The following PLEKHG4 variants were observed in gnomAD, a reference collection of about 807,000 sequenced individuals.
The protein encoded by PLEKHG4 is puratrophin-1.
PLEKHG4 carries 85 observed loss-of-function variants against 136.9 expected under a neutral mutation model. The observed-to-expected ratio is 0.62, with a 90% CI of 0.52 to 0.74. The LOEUF (loss-of-function observed/expected upper bound fraction) is 0.74, where lower values mean the gene tolerates loss of function less well. Among genes scored for constraint, PLEKHG4 ranks in the 30% least tolerant of loss-of-function variants. PLEKHG4 has a pLI of 0.00. For synonymous variants in PLEKHG4, 577 were observed against 646.9 expected (o/e 0.89, Z 1.64); for missense variants, 1,317 against 1,527.8 (o/e 0.86, Z 2.30).
In PLEKHG4 at chr16:67,279,894, G is replaced by C. The variant is rs756402762; in HGVS notation, c.-151G>C. ...TTCCCAGGCCTGAATTGCAGTTCCT[G>C]TGCCCTGGCACTAAGACTGGCACCT... On this transcript the variant is annotated 5_prime_UTR_variant, in exon 2 of 22. Transcript: ENST00000379344. The C allele has an allele frequency of 3.6e-5, 26 of 714,590 alleles. No individual in the cohort carries two copies. The highest frequency in any genetic ancestry group is 5.5e-5 in the Non-Finnish European group (24 of 432,660). 44.3% of individuals were successfully genotyped at this position (714,590 alleles called of 1,614,324 possible). A position where few individuals can be genotyped will look rare whatever the true frequency, so the allele number is the denominator to read the frequency against.
Position 67,286,267 on chromosome 16 carries a change from C to G in PLEKHG4, c.2443-7C>G, listed in dbSNP as rs766571414. The G allele has an allele frequency of 2.5e-6, 4 of 1,608,000 alleles. No homozygotes were observed. Among genetic ancestry groups the G allele is most frequent in the Non-Finnish European group, 3.4e-6 (4 of 1,174,548 alleles). On this transcript the variant is annotated splice_polypyrimidine_tract_variant and splice_region_variant and intron_variant, in intron 14 of 21. Transcript: ENST00000379344. ...TTGCACTGGGGCTGAGCCACATGTC[C>G]TTGTAGAGGGTGCAGTTTGGGATGT...
rs747887333 is a variant in PLEKHG4 at position 67,282,308 on chromosome 16, G to T, written c.1212G>T (p.Leu404=). 4 of 1,613,100 alleles carry T rather than the reference G, an allele frequency of 2.5e-6. No homozygotes were observed. In the East Asian group the frequency reaches 8.9e-5, roughly 36 times the overall value. ...QCQGGRELTW[L]KQEVPEVTLS... ...AGGGGGGCCGGGAGCTGACATGGCT[G>T]AAGCAAGAGGTCCCAGAGGTGACCC... The change falls in exon 9 of 22, where the codon CTG becomes CTT. Residue 404 remains leucine (L), a synonymous_variant. Transcript: ENST00000379344.
Position 67,281,759 on chromosome 16 carries a change from C to T in PLEKHG4, c.927C>T (p.His309=), listed in dbSNP as rs1355567967. The T allele has an allele frequency of 1.2e-6, 2 of 1,614,138 alleles. No individual in the cohort carries two copies. The highest frequency in any genetic ancestry group is 1.7e-6 in the Non-Finnish European group (2 of 1,180,034). Residue 309 remains histidine (H), a synonymous_variant, in exon 7 of 22, where the codon CAC becomes CAT. Transcript: ENST00000379344. ...EQLPSQSLLT[H]IPTAGLPTSL... Reference sequence around the variant, plus strand: ...TGCCTTCTCAGAGCCTGCTGACCCACATCCCAACGGCGGGGCTGCCCACTT... The same window carrying T: ...TGCCTTCTCAGAGCCTGCTGACCCATATCCCAACGGCGGGGCTGCCCACTT...
In PLEKHG4 at chr16:67,286,816, A is replaced by G; in HGVS notation, c.2822A>G (p.Lys941Arg). The change falls in exon 17 of 22, where the codon AAG becomes AGG. Residue 941 changes from lysine to arginine, a missense_variant. Lys to Arg is a conservative substitution (Grantham distance 26, BLOSUM62 2). Coordinates refer to ENST00000379344, the MANE Select transcript of PLEKHG4 (RefSeq NM_001129729.3). ...DEFVVRTGRH[K>R]SVRRIFLFEE... Reference sequence around the variant, plus strand: ...TTTGTGGTGCGCACTGGGCGCCACAAGTCCGTGCGCCGCATCTTCCTTTTT... The same window carrying G: ...TTTGTGGTGCGCACTGGGCGCCACAGGTCCGTGCGCCGCATCTTCCTTTTT... 1 of 1,613,956 alleles carries G rather than the reference A, an allele frequency of 6.2e-7. No individual in the cohort carries two copies.
chr16:67,288,613 C>T lies in PLEKHG4; in HGVS notation c.3570+9C>T. Reference sequence around the variant, plus strand: ...TGGAGGACTTACCCTGTGTGAGTGCCATTTGCCCTATACCCACCAGCCCTT... The same window carrying T: ...TGGAGGACTTACCCTGTGTGAGTGCTATTTGCCCTATACCCACCAGCCCTT... On this transcript the variant is annotated intron_variant, in intron 21 of 21. Coordinates refer to ENST00000379344, the MANE Select transcript of PLEKHG4 (RefSeq NM_001129729.3). 1 of 1,613,882 alleles carries T rather than the reference C, an allele frequency of 6.2e-7. No individual in the cohort carries two copies. The highest frequency in any genetic ancestry group is 1.3e-5 in the African/African-American group (1 of 75,056).
In PLEKHG4 at chr16:67,280,144, G is replaced by A. The variant is rs372020888; in HGVS notation, c.100G>A (p.Glu34Lys). ...GTGCAGTTTCAGGGATGCCTGGGAA[G>A]AGGAGGAACCTGCTTCCCAGATGCA... ...AVCSFRDAWE[E>K]EEPASQMHVK... The change falls in exon 2 of 22, where the codon GAG becomes AAG. Residue 34 changes from glutamate (E) to lysine (K), a missense_variant. Glu to Lys is a moderately conservative substitution (Grantham distance 56). Transcript: ENST00000379344. The surrounding 1 kb of genome is among the most constrained non-coding windows in gnomAD (Gnocchi z 4.4). 5.8e-5 allele frequency: 94 copies of A among 1,613,840 alleles called. No homozygotes were observed. Among genetic ancestry groups the A allele is most frequent in the Non-Finnish European group, 7.3e-5 (86 of 1,180,008 alleles).
At position 67,288,266 on chromosome 16, in the gene PLEKHG4, C is replaced by T. The variant is rs866857508; in HGVS notation, c.3320C>T (p.Ser1107Phe). 6.2e-7 allele frequency: 1 copy of T among 1,613,696 alleles called. No individual in the cohort carries two copies. The highest frequency in any genetic ancestry group is 1.1e-5 in the South Asian group (1 of 91,080). ...CTTCCTGGAGACCCTGCCTCTTGCT[C>T]TGTTCTGGGGTCCCTCAACCTGCAC... ...NSLPGDPASC[S>F]VLGSLNLHLY... is the part of the protein sequence containing the mutation. Residue 1107 changes from serine (S) to phenylalanine (F), a missense_variant, in exon 20 of 22, where the codon TCT becomes TTT. Physicochemically the swap from Ser to Phe is radical, Grantham distance 155. Transcript: ENST00000379344.
upstream of PLEKHG4, chr16:67,278,256 G>C (rs1419349947): frequency 6.6e-6 from 1 of 151,856 alleles, no homozygotes; most frequent in Non-Finnish European, 1.5e-5. Flanking sequence ...AGCCAGACCT[G>C]CTCATGAAGA....
upstream of PLEKHG4, chr16:67,278,390 T>C (rs1244519988): frequency 6.6e-6 from 1 of 152,192 alleles, no homozygotes; most frequent in Non-Finnish European, 1.5e-5. Flanking sequence ...GTGCCTGCCT[T>C]AGAGCCAGGG....
Position 67,282,090 on chromosome 16 carries a change from C to G in PLEKHG4, c.1087C>G (p.Gln363Glu). 6.2e-7 allele frequency: 1 copy of G among 1,613,672 alleles called. No individual in the cohort carries two copies. The highest frequency in any genetic ancestry group is 2.2e-5 in the East Asian group (1 of 44,878). Reference protein sequence around the residue: ...GAIESVKAVPQPMEPGEVGQL... With the variant: ...GAIESVKAVPEPMEPGEVGQL... ...CATCGAAAGTGTGAAGGCTGTGCCCCAGCCCATGGAGCCTGGGGTGAGTGT... is the reference window on the plus strand; with the variant it reads ...CATCGAAAGTGTGAAGGCTGTGCCCGAGCCCATGGAGCCTGGGGTGAGTGT... The change falls in exon 8 of 22, where the codon CAG becomes GAG. Residue 363 changes from glutamine (Q) to glutamate (E), a missense_variant. Coordinates refer to ENST00000379344, the MANE Select transcript of PLEKHG4 (RefSeq NM_001129729.3).
At chr16:67,288,459 G>A (rs1350653297) in intron 20 of PLEKHG4, 30 bp from the exon 21 acceptor site, 4 of 1,613,854 alleles carry the variant, frequency 2.5e-6, no homozygotes, top group Admixed American at 1.7e-5. Flanking sequence ...GGCTTCCCGT[G>A]CTGACAGTTC....
rs768328917 is a variant in PLEKHG4, at chr16:67,282,082, C to T, written c.1079C>T (p.Ala360Val). The T allele has an allele frequency of 6.2e-7, 1 of 1,613,630 alleles. No individual in the cohort carries two copies. The highest frequency in any genetic ancestry group is 1.1e-5 in the South Asian group (1 of 91,088). Residue 360 changes from alanine to valine, a missense_variant, in exon 8 of 22, where the codon GCT becomes GTT. Coordinates refer to ENST00000379344, the MANE Select transcript of PLEKHG4 (RefSeq NM_001129729.3). Reference sequence around the variant, plus strand: ...CAGGGGGCCATCGAAAGTGTGAAGGCTGTGCCCCAGCCCATGGAGCCTGGG... The same window carrying T: ...CAGGGGGCCATCGAAAGTGTGAAGGTTGTGCCCCAGCCCATGGAGCCTGGG... ...LLQGAIESVK[A>V]VPQPMEPGEV... is the part of the protein sequence containing the mutation.
rs1032906822 is a variant in PLEKHG4 at position 67,285,383 on chromosome 16, T to C, written c.2289T>C (p.Asp763=). ...YTMENYFPEL[D]RPDVPQGLRG... ...TGGAGAACTATTTCCCCGAGCTGGATCGCCCCGATGTGCCCCAGGGCCTCC... is the reference window on the plus strand; with the variant it reads ...TGGAGAACTATTTCCCCGAGCTGGACCGCCCCGATGTGCCCCAGGGCCTCC... The change falls in exon 14 of 22, where the codon GAT becomes GAC. Residue 763 remains aspartate, a synonymous_variant. Coordinates refer to ENST00000379344, the MANE Select transcript of PLEKHG4 (RefSeq NM_001129729.3). 2 of 1,614,224 alleles carry C rather than the reference T, an allele frequency of 1.2e-6. No individual in the cohort carries two copies. Among genetic ancestry groups the C allele is most frequent in the Admixed American group, 1.7e-5 (1 of 60,024 alleles).
chr16:67,279,171 C>T (rs1051510603), upstream of PLEKHG4: 5 of 152,184 alleles, frequency 3.3e-5, no homozygotes, highest in African/African-American at 1.2e-4. Flanking sequence ...ACGCGGCCTT[C>T]CTGGCGGGAG....
rs777342739 is a variant in PLEKHG4 at position 67,280,838 on chromosome 16, G to A, written c.595+32G>A. The A allele has an allele frequency of 7.4e-6, 12 of 1,613,746 alleles. No individual in the cohort carries two copies. The highest frequency in any genetic ancestry group is 3.3e-4 in the Middle Eastern group (2 of 6,062). ...AGGCGGGCCTAGAGGCGGTGGAGGT[G>A]GAGTGGCCCAATACGGCAGGAGTTC... On this transcript the variant is annotated intron_variant, in intron 3 of 21. Transcript: ENST00000379344. The surrounding 1 kb of genome is among the most constrained non-coding windows in gnomAD (Gnocchi z 4.4).
intron 21 of PLEKHG4, 80 bp from the exon 22 acceptor site, chr16:67,288,723 G>A (rs2036606367): frequency 6.2e-7 from 1 of 1,600,890 alleles, no homozygotes; most frequent in South Asian, 1.1e-5. Flanking sequence ...CTTGGGGTGG[G>A]TGGGCCAGAG....
Position 67,288,861 on chromosome 16 carries a change from T to C in PLEKHG4, c.*53T>C, listed in dbSNP as rs1229336770. 1.9e-6 allele frequency: 3 copies of C among 1,603,410 alleles called. No individual in the cohort carries two copies. The highest frequency in any genetic ancestry group is 2.6e-6 in the Non-Finnish European group (3 of 1,173,190). On this transcript the variant is annotated 3_prime_UTR_variant, in exon 22 of 22. Transcript: ENST00000379344. ...AGCAGCCTGCAGCTCCAAGGAACATTGCCTCTCTGGATCTGCTGTGACCAG... is the reference window on the plus strand; with the variant it reads ...AGCAGCCTGCAGCTCCAAGGAACATCGCCTCTCTGGATCTGCTGTGACCAG...
At position 67,287,184 on chromosome 16, in the gene PLEKHG4, C is replaced by T. The variant is rs1481645890; in HGVS notation, c.3103+7C>T. On this transcript the variant is annotated splice_region_variant and intron_variant, in intron 18 of 21. Transcript: ENST00000379344. ...CAGGCCGTCCACAACAAGGGTGGGT[C>T]CATGCCCCTCCTTCACGCCACACTC... The T allele has an allele frequency of 1.9e-6, 3 of 1,604,536 alleles. No homozygotes were observed. Among genetic ancestry groups the T allele is most frequent in the South Asian group, 2.2e-5 (2 of 91,048 alleles).
rs775293863 is a variant in PLEKHG4, at chr16:67,287,990, G to T, written c.3196G>T (p.Val1066Phe). ...PSEEAINDRT[V>F]NYVLKCREVR... ...CGAGGAAGCCATCAACGACCGCACC[G>T]TCAACTATGTCCTGAAGTGCCGAGG... Residue 1066 changes from valine (V) to phenylalanine (F), a missense_variant, in exon 19 of 22, where the codon GTC becomes TTC. Transcript: ENST00000379344. The T allele has an allele frequency of 6.2e-7, 1 of 1,612,932 alleles. No homozygotes were observed. Among genetic ancestry groups the T allele is most frequent in the Admixed American group, 1.7e-5 (1 of 60,026 alleles).
Sources: allele counts gnomAD v4.1 joint callset, GRCh38; gene constraint gnomAD v4.1.1; non-coding constraint Gnocchi (gnomAD v3.1); transcripts MANE v1.5; gene names NCBI Gene and HGNC (gene_info 2026-07-23, HGNC 2026-07-21).